The following LIMCH1 variants were observed in gnomAD, a reference collection of about 807,000 sequenced individuals.
The protein encoded by LIMCH1 is LIM and calponin homology domains-containing protein 1.
Under a neutral mutation model 176.5 loss-of-function variants are expected in LIMCH1, and 113 were observed. The ratio of observed to expected loss-of-function variants is 0.64; its 90% CI spans 0.55 to 0.75. The LOEUF (loss-of-function observed/expected upper bound fraction) is 0.75. Ranked by LOEUF, LIMCH1 falls within the 30% of genes least tolerant of loss-of-function variation. LIMCH1 has a pLI of 0.00. For missense variants in LIMCH1, 1,674 were observed against 1,814.9 expected (o/e 0.92, Z 1.41); for synonymous variants, 619 against 645.9 (o/e 0.96, Z 0.63).
intron 10 of LIMCH1, 22 bp downstream of exon 10, chr4:41,631,499 C>T (rs1439905154): frequency 6.8e-7 from 1 of 1,480,450 alleles, no homozygotes; most frequent in African/African-American, 1.4e-5. Flanking sequence ...CATACGTGTG[C>T]AAGGATATCT....
rs540920543 is a variant in LIMCH1 at position 41,438,376 on chromosome 4, C to CT, written c.97-56147dup. 8.1e-3 allele frequency among the ~76,000 whole-genome samples: 1,194 copies of CT among 146,704 alleles called. 8 individuals are homozygous for CT. Among genetic ancestry groups the CT allele is most frequent in the East Asian group, 0.033 (162 of 4,974 alleles). ...TGCCTTTTAATTTTTCTTTTCTTTT[C>CT]TTTTTTTTTTTTTGAGACAGAGTCT... On this transcript the variant is annotated intron_variant, in intron 1 of 26. Transcript: ENST00000313860.
chr4:41,397,903 A>G (rs1320402295), intron 1 of LIMCH1, among the ~76,000 whole-genome samples: 1 of 152,074 alleles, frequency 6.6e-6, no homozygotes, highest in Non-Finnish European at 1.5e-5. Flanking sequence ...GGTGAATTAC[A>G]ATTTTTATAT....
chr4:41,473,292 A>C, intron 1 of LIMCH1: 1 of 570,836 alleles, frequency 1.8e-6, no homozygotes, highest in East Asian at 1.4e-4. Flanking sequence ...TCCTGGTCCC[A>C]TCACTACCAA....
intron 1 of LIMCH1, among the ~76,000 whole-genome samples, chr4:41,593,784 C>T (rs1301678318): frequency 6.6e-6 from 1 of 152,148 alleles, no homozygotes; most frequent in South Asian, 2.1e-4. Context: ...TAACAGAGAC[C>T]ACCATATGGC....
rs553634736 is a variant in LIMCH1, at chr4:41,553,245, AC to A, written c.-241+14897del. Among the ~76,000 whole-genome samples the A allele has an allele frequency of 8.1e-4, 124 of 152,276 alleles. 1 individual carries two copies. The highest frequency in any genetic ancestry group is 2.9e-3 in the African/African-American group (119 of 41,566). On this transcript the variant is annotated intron_variant, in intron 1 of 31. Coordinates refer to ENST00000503057, the MANE Select transcript of LIMCH1 (RefSeq NM_001330672.2). The stretch of plus-strand genomic sequence containing the variant: ...TACAACCATGAATGGCATGGTCTCC[AC>A]CTTTGAGGAACTATTTAGTAGGGGA...
At chr4:41,543,490 C>T (rs1165006065) in intron 1 of LIMCH1, among the ~76,000 whole-genome samples, 1 of 152,118 alleles carries the variant, frequency 6.6e-6, no homozygotes, top group East Asian at 1.9e-4. Flanking sequence ...GACAACTAAA[C>T]TTTCGGCCCA....
At chr4:41,663,939 G>C (rs1165759500) in intron 20 of LIMCH1, among the ~76,000 whole-genome samples, 2 of 151,748 alleles carry the variant, frequency 1.3e-5, no homozygotes, top group South Asian at 2.1e-4. Flanking sequence ...TACTGTGGAG[G>C]CTTAGGTGGG....
chr4:41,370,789 G>A (rs2053845194), intron 1 of LIMCH1, among the ~76,000 whole-genome samples: 1 of 152,328 alleles, frequency 6.6e-6, no homozygotes, highest in East Asian at 1.9e-4. Context: ...TTGAGTGGTA[G>A]TGTAGGTGCT....
At chr4:41,470,379 T>C (rs1054997216) in intron 1 of LIMCH1, among the ~76,000 whole-genome samples, 1 of 152,224 alleles carries the variant, frequency 6.6e-6, no homozygotes, top group Admixed American at 6.5e-5. Context: ...TCTACATCCT[T>C]TCACCCATTC....
intron 1 of LIMCH1, among the ~76,000 whole-genome samples, chr4:41,427,514 G>A (rs1458175840): frequency 4.6e-5 from 7 of 152,176 alleles, no homozygotes; most frequent in South Asian, 2.1e-4. Flanking sequence ...TCCGAGCAGT[G>A]ACCTCCGCTG....
intron 2 of LIMCH1, among the ~76,000 whole-genome samples, chr4:41,496,359 A>G (rs1307762009): frequency 5.9e-5 from 9 of 152,188 alleles, no homozygotes; most frequent in Non-Finnish European, 1.3e-4. Context: ...ACTAGGGATC[A>G]AGCTCTCGTT....
chr4:41,428,944 A>G (rs1010592334), intron 1 of LIMCH1, among the ~76,000 whole-genome samples: 2 of 152,164 alleles, frequency 1.3e-5, no homozygotes, highest in Non-Finnish European at 2.9e-5. Flanking sequence ...CATCTCAAGC[A>G]TTTGATTCCC....
intron 2 of LIMCH1, among the ~76,000 whole-genome samples, chr4:41,512,588 T>G (rs1210780416): frequency 6.6e-6 from 1 of 152,210 alleles, no homozygotes; most frequent in Non-Finnish European, 1.5e-5. Flanking sequence ...GAATAAAGCA[T>G]TGATGCATGC....
intron 1 of LIMCH1, among the ~76,000 whole-genome samples, chr4:41,471,018 A>T (rs2066878860): frequency 6.8e-6 from 1 of 146,036 alleles, no homozygotes; most frequent in African/African-American, 2.7e-5. Flanking sequence ...CAGTCTTTCC[A>T]AACTAAGACT....
At chr4:41,652,467 C>T (rs1429420362) in intron 18 of LIMCH1, among the ~76,000 whole-genome samples, 2 of 152,170 alleles carry the variant, frequency 1.3e-5, no homozygotes, top group Non-Finnish European at 2.9e-5. Context: ...TTGCATACGT[C>T]TTACCTCTGC....
intron 15 of LIMCH1, 89 bp from the exon 16 acceptor site, chr4:41,646,034 A>C: frequency 7.5e-7 from 1 of 1,328,334 alleles, no homozygotes; most frequent in Non-Finnish European, 1.0e-6. Flanking sequence ...TCAGTTCTCT[A>C]AAGAGTAGAA....
intron 1 of LIMCH1, among the ~76,000 whole-genome samples, chr4:41,583,569 T>C: frequency 6.6e-6 from 1 of 152,278 alleles, no homozygotes; most frequent in East Asian, 1.9e-4. Context: ...TTTTCAACAT[T>C]CCTTGACGAT....
At chr4:41,419,273 G>C (rs2060233305) in intron 1 of LIMCH1, among the ~76,000 whole-genome samples, 1 of 151,988 alleles carries the variant, frequency 6.6e-6, no homozygotes, top group Admixed American at 6.6e-5. Context: ...CGCCTCCCGG[G>C]TTCCACAGAT....
intron 1 of LIMCH1, among the ~76,000 whole-genome samples, chr4:41,422,771 T>C (rs894247779): frequency 6.6e-6 from 1 of 152,160 alleles, no homozygotes; most frequent in Admixed American, 6.5e-5. Flanking sequence ...TTTTATTTTT[T>C]CTTTGATAAA....
Sources: gnomAD v4.1 joint callset for allele counts (sites outside exome capture counted in the v4.1 genomes callset) on GRCh38, gnomAD v4.1.1 for gene constraint, MANE v1.5 for transcripts, NCBI Gene and HGNC (gene_info 2026-07-23, HGNC 2026-07-21) for gene names.